The following ANKS1B variants were observed in gnomAD, a reference collection of about 807,000 sequenced individuals.
ANKS1B encodes the protein ankyrin repeat and sterile alpha motif domain-containing protein 1B.
ANKS1B carries 36 observed loss-of-function variants against 148.3 expected under a neutral mutation model. That is an observed-to-expected ratio of 0.24 (90% CI 0.19 to 0.32). The LOEUF is 0.32. Ranked by LOEUF, ANKS1B falls within the 10% of genes least tolerant of loss-of-function variation. ANKS1B has a pLI of 1.00. For missense variants in ANKS1B, 1,157 were observed against 1,542.6 expected (o/e 0.75, Z 4.19); for synonymous variants, 542 against 560.8 (o/e 0.97, Z 0.47).
chr12:99,259,065 A>G (rs1277063553), intron 12 of ANKS1B, among the ~76,000 whole-genome samples: 1 of 152,188 alleles, frequency 6.6e-6, no homozygotes, highest in Non-Finnish European at 1.5e-5. Flanking sequence ...AGGAGCCCGT[A>G]TGAGATATAA....
In ANKS1B at chr12:99,984,416, G is replaced by A. The variant is rs921011261; in HGVS notation, c.-179C>T. 1.8e-6 allele frequency: 1 copy of A among 550,506 alleles called. No homozygotes were observed. Among genetic ancestry groups the A allele is most frequent in the East Asian group, 2.9e-5 (1 of 33,906 alleles). The allele number at this position is 550,506 out of a possible 1,614,324, so 34.1% of individuals were successfully genotyped here. A position where few individuals can be genotyped will look rare whatever the true frequency, so the allele number is the denominator to read the frequency against. ...GCACGACTCTCTCCTCCTCTTCGGGGCGCAGCTTTTACAATGGGGATCAGA... is the reference window on the plus strand; with the variant it reads ...GCACGACTCTCTCCTCCTCTTCGGGACGCAGCTTTTACAATGGGGATCAGA... On this transcript the variant is annotated 5_prime_UTR_variant, in exon 1 of 27. Coordinates refer to ENST00000683438, the MANE Select transcript of ANKS1B (RefSeq NM_001352186.2).
chr12:99,928,651 T>C (rs926977937), intron 1 of ANKS1B, among the ~76,000 whole-genome samples: 4 of 152,208 alleles, frequency 2.6e-5, no homozygotes, highest in South Asian at 2.1e-4. Flanking sequence ...TGATTGCCCT[T>C]ATAGATTTTC....
chr12:99,168,818 T>C (rs368838943), intron 14 of ANKS1B, among the ~76,000 whole-genome samples: 247 of 152,276 alleles, frequency 1.6e-3, no homozygotes, highest in South Asian at 0.015. Flanking sequence ...TTAATATCAG[T>C]CTTCTTGTGT....
intron 1 of ANKS1B, among the ~76,000 whole-genome samples, chr12:99,950,935 ATAT>A (rs2095205287): frequency 1.3e-5 from 2 of 152,216 alleles, no homozygotes; most frequent in East Asian, 3.8e-4. Flanking sequence ...CACACATAAG[ATAT>A]AAATTGTTTA....
chr12:98,939,899 C>T (rs1381293810), intron 17 of ANKS1B, among the ~76,000 whole-genome samples: 1 of 152,224 alleles, frequency 6.6e-6, no homozygotes, highest in African/African-American at 2.4e-5. Flanking sequence ...CTTTTTCTCA[C>T]ATGGCACACT....
downstream of ANKS1B, among the ~76,000 whole-genome samples, chr12:98,741,608 G>C (rs2097799487): frequency 6.6e-6 from 1 of 152,104 alleles, no homozygotes; most frequent in Admixed American, 6.5e-5. Flanking sequence ...CACCTGTATG[G>C]CTTGGAAGGC....
At chr12:99,100,807 G>A (rs1015982438) in intron 15 of ANKS1B, among the ~76,000 whole-genome samples, 25 of 152,218 alleles carry the variant, frequency 1.6e-4, no homozygotes, top group Non-Finnish European at 2.9e-4. Context: ...TGGGATTACA[G>A]GCGTCAGCCA....
chr12:99,119,213 G>C (rs557829536), intron 15 of ANKS1B, among the ~76,000 whole-genome samples: 1 of 152,288 alleles, frequency 6.6e-6, no homozygotes, highest in Admixed American at 6.5e-5. Flanking sequence ...ACAGACAAAA[G>C]AGGAGGAGGC....
chr12:99,909,236 G>A (rs1466061552), intron 1 of ANKS1B, among the ~76,000 whole-genome samples: 3 of 150,546 alleles, frequency 2.0e-5, no homozygotes, highest in Admixed American at 6.6e-5. Context: ...GTGTGTGTGT[G>A]TGTGTGTGTG....
At chr12:98,778,650 C>A (rs2098703946) in intron 24 of ANKS1B, among the ~76,000 whole-genome samples, 1 of 152,156 alleles carries the variant, frequency 6.6e-6, no homozygotes, top group African/African-American at 2.4e-5. Context: ...GGTATCTGGG[C>A]ATGGTTCCTT....
intron 9 of ANKS1B, among the ~76,000 whole-genome samples, chr12:99,551,271 C>T (rs937715498): frequency 1.3e-5 from 2 of 152,148 alleles, no homozygotes; most frequent in African/African-American, 4.8e-5. Context: ...TCCTCAAATA[C>T]ATCATCATAC....
chr12:99,739,317 G>A (rs2059878392), intron 8 of ANKS1B, among the ~76,000 whole-genome samples: 1 of 123,438 alleles, frequency 8.1e-6, no homozygotes, highest in African/African-American at 3.2e-5. Flanking sequence ...GTTTCTATCT[G>A]TGATTTGATG....
intron 14 of ANKS1B, among the ~76,000 whole-genome samples, chr12:99,166,513 C>A (rs1199160152): frequency 2.0e-5 from 3 of 151,882 alleles, no homozygotes; most frequent in Non-Finnish European, 4.4e-5. Flanking sequence ...TAAAAACCAA[C>A]ATAATTTACA....
chr12:98,758,650 A>C (rs1397186056), intron 25 of ANKS1B, among the ~76,000 whole-genome samples: 1 of 152,148 alleles, frequency 6.6e-6, no homozygotes, highest in Non-Finnish European at 1.5e-5. Flanking sequence ...GCTATTTAGG[A>C]AGAAGGGTAG....
At chr12:99,130,534 C>T (rs929019916) in intron 15 of ANKS1B, among the ~76,000 whole-genome samples, 2 of 152,164 alleles carry the variant, frequency 1.3e-5, no homozygotes, top group African/African-American at 4.8e-5. Flanking sequence ...GGACTCTTCT[C>T]TGTCCATCAC....
intron 12 of ANKS1B, among the ~76,000 whole-genome samples, chr12:99,258,142 C>T (rs1052095661): frequency 3.9e-5 from 6 of 152,232 alleles, no homozygotes; most frequent in Middle Eastern, 3.4e-3. Context: ...AAGTTTTTAA[C>T]GTGACTCTTT....
intron 12 of ANKS1B, among the ~76,000 whole-genome samples, chr12:99,284,568 G>C (rs2078874919): frequency 6.6e-6 from 1 of 152,072 alleles, no homozygotes; most frequent in South Asian, 2.1e-4. Context: ...TTCTACTCCT[G>C]CCACCTTAGT....
chr12:99,651,913 G>A (rs947554601), intron 9 of ANKS1B, among the ~76,000 whole-genome samples: 3 of 151,450 alleles, frequency 2.0e-5, no homozygotes, highest in African/African-American at 7.3e-5. Context: ...GTGTGTATGT[G>A]TATATACTAT....
At chr12:99,124,718 G>A (rs116905233) in intron 15 of ANKS1B, among the ~76,000 whole-genome samples, 1,908 of 152,156 alleles carry the variant, frequency 0.013, 33 homozygotes, top group Non-Finnish European at 0.017. Flanking sequence ...GTTAGACTTG[G>A]GAAAGATAGG....
Sources: gnomAD v4.1 joint callset for allele counts (sites outside exome capture counted in the v4.1 genomes callset) on GRCh38, gnomAD v4.1.1 for gene constraint, MANE v1.5 for transcripts, NCBI Gene and HGNC (gene_info 2026-07-23, HGNC 2026-07-21) for gene names.